VSIG4: variants seen among roughly 807,000 people sequenced by gnomAD.
The protein encoded by VSIG4 is V-set and immunoglobulin domain containing 4.
VSIG4 carries 34 observed loss-of-function variants against 23.4 expected under a neutral mutation model. That is an observed-to-expected ratio of 1.45 (90% CI 1.10 to 1.93). The LOEUF is 1.93. VSIG4 is among the 30% of genes most tolerant of loss of function. VSIG4 has a pLI of 0.00. For synonymous variants in VSIG4, 169 were observed against 120.3 expected (o/e 1.41, Z -2.65); for missense variants, 433 against 310.8 (o/e 1.39, Z -2.96).
chrX:66,026,254 C>T (rs1354884602), intron 5 of VSIG4, among the ~76,000 whole-genome samples: 1 of 111,903 alleles, frequency 8.9e-6, no homozygotes, highest in East Asian at 2.8e-4. Context: ...TCATGAGACT[C>T]TAAGATATCG....
chrX:66,037,466 T>C (rs111221104), intron 1 of VSIG4, among the ~76,000 whole-genome samples: 1 of 62,148 alleles, frequency 1.6e-5, no homozygotes, highest in Non-Finnish European at 2.7e-5. Context: ...AATAATATAA[T>C]ATATATAATA....
chrX:66,029,199 G>A (rs1008175351), intron 3 of VSIG4, among the ~76,000 whole-genome samples: 6 of 111,813 alleles, frequency 5.4e-5, no homozygotes, highest in Non-Finnish European at 7.5e-5. Context: ...GACTAAAAGG[G>A]TTTGGGCTTT....
chrX:66,037,342 TA>T (rs2085610278), intron 1 of VSIG4, among the ~76,000 whole-genome samples: 1 of 13,297 alleles, frequency 7.5e-5, no homozygotes, highest in Non-Finnish European at 9.4e-5. Context: ...TAATATAATA[TA>T]ATATATAATA....
intron 5 of VSIG4, among the ~76,000 whole-genome samples, chrX:66,027,058 C>A (rs1487665947): frequency 9.0e-6 from 1 of 111,702 alleles, no homozygotes; most frequent in Non-Finnish European, 1.9e-5. Flanking sequence ...AAATCAGCTT[C>A]AAGCGGCTTG....
At chrX:66,028,561 T>TC (rs1457058787) in intron 3 of VSIG4, among the ~76,000 whole-genome samples, 1 of 91,162 alleles carries the variant, frequency 1.1e-5, no homozygotes, top group Non-Finnish European at 2.1e-5. Flanking sequence ...TAATCAACTT[T>TC]TTTTTTTTTT....
chrX:66,036,894 TTATTATATAATA>T (rs2085570863), intron 1 of VSIG4, among the ~76,000 whole-genome samples: 1 of 31,434 alleles, frequency 3.2e-5, no homozygotes, highest in Non-Finnish European at 4.8e-5. Context: ...ATTATATATT[TTATTATATAATA>T]TATTATATGA....
chrX:66,037,573 T>G (rs1475378307), intron 1 of VSIG4, among the ~76,000 whole-genome samples: 1 of 71,995 alleles, frequency 1.4e-5, no homozygotes, highest in Non-Finnish European at 2.4e-5. Context: ...ATATACTTAT[T>G]ATATTATATT....
rs2085475237 is a variant in VSIG4, at chrX:66,032,512, A to G, written c.650T>C (p.Val217Ala). The G allele has an allele frequency of 8.3e-7, 1 of 1,211,984 alleles. No homozygotes were observed. Among genetic ancestry groups the G allele is most frequent in the Non-Finnish European group, 1.1e-6 (1 of 895,516 alleles). Reference sequence around the variant, plus strand: ...AATGTCGCTGTGCTGCTCAGAGCCAACCTGGCCCTTGGCAGTGCAGAAATA... The same window carrying G: ...AATGTCGCTGTGCTGCTCAGAGCCAGCCTGGCCCTTGGCAGTGCAGAAATA... ...GSYFCTAKGQ[V>A]GSEQHSDIVK... The change falls in exon 3 of 8, where the codon GTT becomes GCT. Residue 217 changes from valine (V) to alanine (A), a missense_variant. Val to Ala is a moderately conservative substitution (Grantham distance 64). Coordinates refer to ENST00000374737, the MANE Select transcript of VSIG4 (RefSeq NM_007268.3).
At chrX:66,023,811 A>G (rs978465944) in intron 6 of VSIG4, among the ~76,000 whole-genome samples, 1 of 112,258 alleles carries the variant, frequency 8.9e-6, no homozygotes, top group African/African-American at 3.2e-5. Flanking sequence ...AGAATGCTAC[A>G]TTTTGACCTT....
At chrX:66,038,139 T>A (rs760584929) in intron 1 of VSIG4, among the ~76,000 whole-genome samples, 6 of 111,726 alleles carry the variant, frequency 5.4e-5, no homozygotes, top group Non-Finnish European at 1.1e-4. Flanking sequence ...ATATTAGAAA[T>A]TTTTTAAATT....
chrX:66,034,693 G>A (rs747810116), intron 1 of VSIG4, among the ~76,000 whole-genome samples: 3 of 104,579 alleles, frequency 2.9e-5, no homozygotes, highest in Non-Finnish European at 5.9e-5. Flanking sequence ...CCTGAAGCTG[G>A]CTGTAGTAGG....
intron 3 of VSIG4, 107 bp from the exon 4 acceptor site, chrX:66,028,219 G>A: frequency 1.5e-6 from 1 of 645,164 alleles, no homozygotes; most frequent in Non-Finnish European, 2.5e-6. Flanking sequence ...TCCATACTTG[G>A]ACCTGCCTCA....
intron 1 of VSIG4, 57 bp downstream of exon 1, chrX:66,039,887 C>A (rs2085663616): frequency 1.2e-5 from 14 of 1,186,866 alleles, no homozygotes; most frequent in Non-Finnish European, 1.6e-5. Flanking sequence ...TAAACACCAA[C>A]CCTCTAGCCT....
At chrX:66,031,894 T>G (rs1426339010) in intron 3 of VSIG4, among the ~76,000 whole-genome samples, 1 of 111,692 alleles carries the variant, frequency 9.0e-6, no homozygotes, top group African/African-American at 3.3e-5. Context: ...AAAGAAAGCA[T>G]GTAGATATAT....
intron 1 of VSIG4, among the ~76,000 whole-genome samples, chrX:66,037,852 A>T (rs776948856): frequency 9.5e-6 from 1 of 105,627 alleles, no homozygotes; most frequent in Admixed American, 1.1e-4. Context: ...CCAGCCTTAT[A>T]AAAGCAAATG....
intron 1 of VSIG4, among the ~76,000 whole-genome samples, chrX:66,034,564 GT>G (rs2147670282): frequency 9.0e-6 from 1 of 111,682 alleles, no homozygotes; most frequent in East Asian, 2.8e-4. Flanking sequence ...GATTTCTTTT[GT>G]TTATTTTCCT....
chrX:66,032,447 C>G, intron 3 of VSIG4, 21 bp downstream of exon 3: 1 of 1,200,692 alleles, frequency 8.3e-7, no homozygotes, highest in Non-Finnish European at 1.1e-6. Flanking sequence ...AAGATGCTCA[C>G]CAGGAAAGAG....
At chrX:66,033,935 A>T (rs2085500019) in intron 1 of VSIG4, 105 bp from the exon 2 acceptor site, 3 of 634,228 alleles carry the variant, frequency 4.7e-6, no homozygotes, top group Non-Finnish European at 4.9e-6. Flanking sequence ...AATGCCACTC[A>T]ACTTTCTTTC....
intron 1 of VSIG4, among the ~76,000 whole-genome samples, chrX:66,036,844 ATATAT>A (rs1345758734): frequency 2.9e-4 from 11 of 38,129 alleles, no homozygotes; most frequent in Non-Finnish European, 4.0e-4. Flanking sequence ...ATGTTATATA[ATATAT>A]TATATATATA....
Sources: allele counts gnomAD v4.1 joint callset (sites outside exome capture counted in the v4.1 genomes callset), GRCh38; gene constraint gnomAD v4.1.1; transcripts MANE v1.5; gene names NCBI Gene and HGNC (gene_info 2026-07-23, HGNC 2026-07-21).